The following UCK2 variants were observed in gnomAD, a reference collection of about 807,000 sequenced individuals.
UCK2 encodes the protein uridine-cytidine kinase 2, also known as cytidine monophosphokinase 2.
UCK2 carries 6 observed loss-of-function variants against 30.8 expected under a neutral mutation model. The observed-to-expected ratio is 0.19, with a 90% CI of 0.11 to 0.38. The LOEUF (loss-of-function observed/expected upper bound fraction) is 0.38. UCK2 is among the 10% of genes least tolerant of loss of function. UCK2 has a pLI of 1.00. For missense variants in UCK2, 210 were observed against 339.8 expected (o/e 0.62, Z 3.00); for synonymous variants, 125 against 133.6 (o/e 0.94, Z 0.45).
chr1:165,851,378 GT>G (rs377473406), intron 1 of UCK2, among the ~76,000 whole-genome samples: 5 of 151,496 alleles, frequency 3.3e-5, no homozygotes, highest in Admixed American at 2.0e-4. Flanking sequence ...TTGTGCCCAT[GT>G]TTTTTTTTCC....
At chr1:165,866,551 T>G (rs1655052089) in intron 1 of UCK2, among the ~76,000 whole-genome samples, 1 of 152,190 alleles carries the variant, frequency 6.6e-6, no homozygotes, top group Non-Finnish European at 1.5e-5. Context: ...AACGTAAAAT[T>G]TATTTTCAAG....
intron 1 of UCK2, among the ~76,000 whole-genome samples, chr1:165,844,252 C>G (rs1187091824): frequency 6.6e-6 from 1 of 152,224 alleles, no homozygotes; most frequent in African/African-American, 2.4e-5. Flanking sequence ...GTGCCTGCAC[C>G]TAGAACGGCT....
chr1:165,893,432 G>A (rs569446717), intron 3 of UCK2, among the ~76,000 whole-genome samples: 1 of 152,208 alleles, frequency 6.6e-6, no homozygotes, highest in Admixed American at 6.5e-5. Context: ...CTACCTCCTT[G>A]CAAATCTTAA....
chr1:165,891,624 G>A (rs758135604), intron 3 of UCK2: 12 of 316,830 alleles, frequency 3.8e-5, no homozygotes, highest in Non-Finnish European at 6.5e-5. Flanking sequence ...CCACATTCCA[G>A]TGCTGCTGTT....
intron 3 of UCK2, among the ~76,000 whole-genome samples, chr1:165,893,777 T>C (rs1655825912): frequency 6.6e-6 from 1 of 152,250 alleles, no homozygotes; most frequent in African/African-American, 2.4e-5. Flanking sequence ...TGAGCTGTTA[T>C]GACAGTTTTT....
chr1:165,892,286 G>A (rs897476642), intron 3 of UCK2: 1 of 151,764 alleles, frequency 6.6e-6, no homozygotes. Context: ...ATGAATGAAG[G>A]CATTTCGTAT....
chr1:165,850,879 C>G (rs905740105), intron 1 of UCK2, among the ~76,000 whole-genome samples: 1 of 151,516 alleles, frequency 6.6e-6, no homozygotes, highest in Non-Finnish European at 1.5e-5. Flanking sequence ...GCCTCGGCCT[C>G]CCAAAGTGCT....
intron 1 of UCK2, among the ~76,000 whole-genome samples, chr1:165,873,523 C>T (rs777253795): frequency 6.6e-6 from 1 of 152,148 alleles, no homozygotes; most frequent in Non-Finnish European, 1.5e-5. Flanking sequence ...AGTGAAGCTT[C>T]CCATTTCTGT....
chr1:165,849,618 C>T (rs1035253552), intron 1 of UCK2, among the ~76,000 whole-genome samples: 1 of 152,228 alleles, frequency 6.6e-6, no homozygotes, highest in African/African-American at 2.4e-5. Context: ...AGCTTCCAGC[C>T]TGCATAGAGA....
intron 1 of UCK2, among the ~76,000 whole-genome samples, chr1:165,832,200 G>A (rs1165357240): frequency 6.6e-6 from 1 of 152,114 alleles, no homozygotes; most frequent in African/African-American, 2.4e-5. Context: ...ATACTTTCTT[G>A]AGGGAGCTTT....
At chr1:165,906,135 A>G (rs1452672476) in intron 6 of UCK2, among the ~76,000 whole-genome samples, 166 bp downstream of exon 6, 1 of 152,184 alleles carries the variant, frequency 6.6e-6, no homozygotes, top group Non-Finnish European at 1.5e-5. Flanking sequence ...GGCCTCAGGA[A>G]CAGGTCCCTG....
chr1:165,855,510 CTTTTT>C (rs76464312), intron 1 of UCK2, among the ~76,000 whole-genome samples: 1 of 128,200 alleles, frequency 7.8e-6, no homozygotes, highest in African/African-American at 2.9e-5. Context: ...TTTTTCTTTT[CTTTTT>C]TTTTTTTTTT....
intron 1 of UCK2, among the ~76,000 whole-genome samples, chr1:165,881,606 G>T (rs188943432): frequency 3.3e-5 from 5 of 152,120 alleles, no homozygotes; most frequent in Non-Finnish European, 7.4e-5. Context: ...GTAAAATAGG[G>T]GTAATAAGAA....
At chr1:165,876,839 T>C (rs1655349135) in intron 1 of UCK2, among the ~76,000 whole-genome samples, 1 of 152,216 alleles carries the variant, frequency 6.6e-6, no homozygotes, top group South Asian at 2.1e-4. Context: ...CCATTTCTTG[T>C]ATCACCCCAG....
chr1:165,880,560 T>TG (rs1557843855), intron 1 of UCK2, among the ~76,000 whole-genome samples: 69 of 80,062 alleles, frequency 8.6e-4, no homozygotes, highest in African/African-American at 2.8e-3. Context: ...TTCAGTTTTT[T>TG]TTGGGGGTGT....
intron 1 of UCK2, among the ~76,000 whole-genome samples, chr1:165,838,877 A>G (rs544844550): frequency 6.6e-6 from 1 of 152,182 alleles, no homozygotes; most frequent in East Asian, 1.9e-4. Flanking sequence ...GTGAAATCCC[A>G]TCTCTACTAA....
chr1:165,830,246 C>T (rs999014629), intron 1 of UCK2, among the ~76,000 whole-genome samples: 8 of 151,774 alleles, frequency 5.3e-5, no homozygotes, highest in Admixed American at 4.6e-4. Context: ...TTAAGTGATC[C>T]GCCCGCCTCT....
chr1:165,871,511 T>C (rs901491752), intron 1 of UCK2, among the ~76,000 whole-genome samples: 7 of 152,190 alleles, frequency 4.6e-5, no homozygotes, highest in Non-Finnish European at 7.3e-5. Context: ...TACAACCCAC[T>C]CTGTTAGATC....
intron 4 of UCK2, among the ~76,000 whole-genome samples, chr1:165,900,890 G>A (rs956924582): frequency 2.6e-4 from 39 of 152,328 alleles, no homozygotes; most frequent in African/African-American, 7.2e-4. Context: ...CCCAAGCACG[G>A]GTGTGTTTGT....
Sources: allele counts gnomAD v4.1 joint callset (sites outside exome capture counted in the v4.1 genomes callset), GRCh38; gene constraint gnomAD v4.1.1; transcripts MANE v1.5; gene names NCBI Gene and HGNC (gene_info 2026-07-23, HGNC 2026-07-21).